The following TENM2 variants were observed in gnomAD, a reference collection of about 807,000 sequenced individuals.
The protein encoded by TENM2 is teneurin transmembrane protein 2, also known as teneurin-2.
TENM2 carries 52 observed loss-of-function variants against 245.2 expected under a neutral mutation model. The ratio of observed to expected loss-of-function variants is 0.21; its 90% CI spans 0.17 to 0.27. The LOEUF (loss-of-function observed/expected upper bound fraction) is 0.27, where lower values mean the gene tolerates loss of function less well. Ranked by LOEUF, TENM2 falls within the 10% of genes least tolerant of loss-of-function variation. TENM2 has a pLI of 1.00. For synonymous variants in TENM2, 1,363 were observed against 1,438.9 expected, an observed-to-expected ratio of 0.95 and a Z score of 1.19; for missense variants, 3,046 against 3,666.8, an observed-to-expected ratio of 0.83 and a Z score of 4.37.
At chr5:167,671,914 T>C (rs1755971981) in intron 2 of TENM2, among the ~76,000 whole-genome samples, 2 of 152,040 alleles carry the variant, frequency 1.3e-5, no homozygotes, top group Admixed American at 6.6e-5. Context: ...ATAGTCATAG[T>C]AATGATCTTT....
intron 2 of TENM2, among the ~76,000 whole-genome samples, chr5:167,467,242 GTGTT>G (rs1766724912): frequency 2.0e-5 from 3 of 152,076 alleles, no homozygotes; most frequent in Admixed American, 2.0e-4. Context: ...GGTTTTATAA[GTGTT>G]TGACAGTTCC....
the TENM2 span, among the ~76,000 whole-genome samples, chr5:167,108,704 C>A: frequency 2.6e-5 from 4 of 152,200 alleles, no homozygotes; most frequent in Admixed American, 6.5e-5. Flanking sequence ...CTTGCAGCAA[C>A]AAATACACAA....
the TENM2 span, among the ~76,000 whole-genome samples, chr5:167,110,058 C>T: frequency 1.3e-5 from 2 of 152,004 alleles, no homozygotes; most frequent in South Asian, 4.1e-4. Flanking sequence ...TTTCTTTTGC[C>T]CTTACCAGGA....
chr5:167,841,967 A>G (rs551852249), intron 2 of TENM2, among the ~76,000 whole-genome samples: 1 of 152,164 alleles, frequency 6.6e-6, no homozygotes, highest in East Asian at 1.9e-4. Flanking sequence ...CTCTCTCTAT[A>G]TATACACACA....
chr5:167,837,379 C>T (rs1447496832), intron 2 of TENM2, among the ~76,000 whole-genome samples: 2 of 151,772 alleles, frequency 1.3e-5, no homozygotes, highest in African/African-American at 4.8e-5. Flanking sequence ...GCTGAATCAC[C>T]CTCCAAAAAG....
At chr5:167,178,611 C>A in the TENM2 span, among the ~76,000 whole-genome samples, 1 of 151,904 alleles carries the variant, frequency 6.6e-6, no homozygotes, top group African/African-American at 2.4e-5. Flanking sequence ...AAGCCTGTGG[C>A]GAGTACAACC....
chr5:167,299,043 C>T (rs540571658), intron 1 of TENM2, among the ~76,000 whole-genome samples: 2 of 152,296 alleles, frequency 1.3e-5, no homozygotes, highest in African/African-American at 2.4e-5. Context: ...ATTCCGAGGA[C>T]AGGCCTGACT....
rs1765872061 is a variant in TENM2, at chr5:167,455,632, A to G, written c.502+80159A>G. 2.6e-5 allele frequency among the ~76,000 whole-genome samples: 4 copies of G among 152,140 alleles called. No homozygotes were observed. In the South Asian group the frequency reaches 8.3e-4, roughly 32 times the overall value. On this transcript the variant is annotated intron_variant, in intron 2 of 28. Transcript: ENST00000518659. ...TTTAGTTGATAAATAAGTTAACTGAATATGCTGTCCCAGTTATCTTTGATC... is the reference window on the plus strand; with the variant it reads ...TTTAGTTGATAAATAAGTTAACTGAGTATGCTGTCCCAGTTATCTTTGATC...
rs1359267069 is a variant in TENM2, at chr5:168,247,221, T to A, written c.6282T>A (p.His2094Gln). 6.2e-7 allele frequency: 1 copy of A among 1,613,782 alleles called. No homozygotes were observed. Among genetic ancestry groups the A allele is most frequent in the Non-Finnish European group, 8.5e-7 (1 of 1,179,890 alleles). The stretch of plus-strand genomic sequence containing the variant: ...ATGCCAGGTTTGACTACACCTATCA[T>A]GACAACAGCTTCCGCATCGCAAGCA... The change falls in exon 27 of 29, where the codon CAT becomes CAA. Residue 2094 changes from histidine to glutamine, a missense_variant. Physicochemically the swap from His to Gln is conservative, Grantham distance 24 (BLOSUM62 0). Transcript: ENST00000518659. The surrounding 1 kb of genome is among the most constrained non-coding windows in gnomAD (Gnocchi z 7.8).
At chr5:167,548,943 A>G (rs936007890) in intron 2 of TENM2, among the ~76,000 whole-genome samples, 2 of 152,226 alleles carry the variant, frequency 1.3e-5, no homozygotes, top group African/African-American at 4.8e-5. Context: ...ATAATCCTGC[A>G]GAATTGTAGA....
At chr5:168,022,195 G>T (rs946828626) in intron 5 of TENM2, among the ~76,000 whole-genome samples, 1 of 152,222 alleles carries the variant, frequency 6.6e-6, no homozygotes, top group Non-Finnish European at 1.5e-5. Flanking sequence ...CGTGCCGGGG[G>T]CTGGGGATGC....
the TENM2 span, among the ~76,000 whole-genome samples, chr5:167,073,022 C>T: frequency 6.6e-6 from 1 of 152,104 alleles, no homozygotes; most frequent in Non-Finnish European, 1.5e-5. Context: ...AATAGTGTGC[C>T]ATAGTCAAAG....
chr5:168,041,656 A>C (rs1165019588), intron 5 of TENM2, among the ~76,000 whole-genome samples: 1 of 152,186 alleles, frequency 6.6e-6, no homozygotes, highest in Non-Finnish European at 1.5e-5. Context: ...TTATGTGTTT[A>C]GTTTCTACAC....
intron 7 of TENM2, 58 bp from the exon 10 acceptor site, chr5:168,090,516 G>T: frequency 1.4e-6 from 2 of 1,469,240 alleles, no homozygotes; most frequent in Non-Finnish European, 1.9e-6. Context: ...GAAGGTACCA[G>T]GTATGGGACC....
At chr5:167,028,691 C>A in the TENM2 span, among the ~76,000 whole-genome samples, 1 of 151,812 alleles carries the variant, frequency 6.6e-6, no homozygotes, top group East Asian at 1.9e-4. Flanking sequence ...TTTATGTATG[C>A]CATATATAAA....
chr5:167,941,357 C>T (rs1160007418), intron 3 of TENM2, among the ~76,000 whole-genome samples: 1 of 152,186 alleles, frequency 6.6e-6, no homozygotes, highest in Non-Finnish European at 1.5e-5. Context: ...CTATAAGGCA[C>T]TTCACATTGT....
chr5:168,021,067 T>C (rs1786101302), intron 5 of TENM2, among the ~76,000 whole-genome samples: 1 of 152,228 alleles, frequency 6.6e-6, no homozygotes, highest in African/African-American at 2.4e-5. Context: ...AGGAGCAGGC[T>C]AGGAATCGTT....
At chr5:168,176,563 C>T (rs1360377116) in intron 13 of TENM2, among the ~76,000 whole-genome samples, 1 of 152,202 alleles carries the variant, frequency 6.6e-6, no homozygotes, top group Non-Finnish European at 1.5e-5. Context: ...AGAAAATCCC[C>T]TCCTTCATCA....
At chr5:168,063,642 G>A (rs1026893240) in intron 7 of TENM2, among the ~76,000 whole-genome samples, 4 of 152,134 alleles carry the variant, frequency 2.6e-5, no homozygotes, top group South Asian at 2.1e-4. Context: ...GCAAATGCAA[G>A]GTAGTCAGGC....
Sources: allele counts gnomAD v4.1 joint callset (sites outside exome capture counted in the v4.1 genomes callset), GRCh38; gene constraint gnomAD v4.1.1; non-coding constraint Gnocchi (gnomAD v3.1); transcripts MANE v1.5; gene names NCBI Gene and HGNC (gene_info 2026-07-23, HGNC 2026-07-21).